The following FAM135B variants were observed in gnomAD, a reference collection of about 807,000 sequenced individuals.
FAM135B encodes protein FAM135B.
Under a neutral mutation model 127.7 loss-of-function variants are expected in FAM135B, and 43 were observed. The observed-to-expected ratio is 0.34, with a 90% CI of 0.26 to 0.43. FAM135B has a LOEUF of 0.43. Among genes scored for constraint, FAM135B ranks in the 20% least tolerant of loss-of-function variants. The pLI is 1.00. For missense variants in FAM135B, 1,558 were observed against 1,725.6 expected (o/e 0.90, Z 1.72); for synonymous variants, 670 against 665.1 (o/e 1.01, Z -0.11).
intron 14 of FAM135B, among the ~76,000 whole-genome samples, chr8:138,146,709 T>G (rs373938433): frequency 1.1e-3 from 162 of 151,762 alleles, no homozygotes; most frequent in Middle Eastern, 3.4e-3. Flanking sequence ...GAAAAAAAAA[T>G]GGATTTACTA....
At chr8:138,155,019 G>C (rs1818580800) in intron 12 of FAM135B, among the ~76,000 whole-genome samples, 1 of 152,148 alleles carries the variant, frequency 6.6e-6, no homozygotes, top group Non-Finnish European at 1.5e-5. Flanking sequence ...TGAAATGAAG[G>C]AAAAAATGTT....
intron 3 of FAM135B, among the ~76,000 whole-genome samples, chr8:138,296,798 C>A (rs1358322447): frequency 6.6e-6 from 1 of 152,146 alleles, no homozygotes; most frequent in Middle Eastern, 3.2e-3. Flanking sequence ...GTAACTATTT[C>A]TCTTGCTATT....
At chr8:138,305,497 C>T (rs548308498) in intron 3 of FAM135B, among the ~76,000 whole-genome samples, 4 of 68,616 alleles carry the variant, frequency 5.8e-5, no homozygotes, top group Middle Eastern at 0.014. Context: ...TTCACACAGA[C>T]ATGGACATAC....
At chr8:138,256,277 A>G (rs1250981942) in intron 5 of FAM135B, among the ~76,000 whole-genome samples, 1 of 152,216 alleles carries the variant, frequency 6.6e-6, no homozygotes, top group Non-Finnish European at 1.5e-5. Context: ...GAGTTGAAAC[A>G]TAATAGCAGA....
chr8:138,477,641 C>A (rs1814561273), intron 1 of FAM135B, among the ~76,000 whole-genome samples: 1 of 152,190 alleles, frequency 6.6e-6, no homozygotes, highest in South Asian at 2.1e-4. Flanking sequence ...TCCTCCTTTT[C>A]TCACTAAACA....
Position 138,250,826 on chromosome 8 carries a change from C to T in FAM135B, c.542+15G>A, listed in dbSNP as rs1821641257. On this transcript the variant is annotated intron_variant, in intron 6 of 19. Coordinates refer to ENST00000395297, the MANE Select transcript of FAM135B (RefSeq NM_015912.4). ...GGTGGCTCCCACATATCAGGGCTGCCTCTGAACTTCATACCTGATCAATGG... is the reference window on the plus strand; with the variant it reads ...GGTGGCTCCCACATATCAGGGCTGCTTCTGAACTTCATACCTGATCAATGG... 5 of 1,613,066 alleles carry T rather than the reference C, an allele frequency of 3.1e-6. No homozygotes were observed. In the Admixed American group the frequency reaches 8.3e-5, roughly 27 times the overall value.
chr8:138,483,671 C>T (rs561835880), intron 1 of FAM135B, among the ~76,000 whole-genome samples: 1 of 152,248 alleles, frequency 6.6e-6, no homozygotes, highest in South Asian at 2.1e-4. Context: ...ACCCTCTGTA[C>T]CCCTGGAAGC....
At chr8:138,342,009 G>A (rs978759065) in intron 2 of FAM135B, among the ~76,000 whole-genome samples, 1 of 152,204 alleles carries the variant, frequency 6.6e-6, no homozygotes, top group Admixed American at 6.5e-5. Context: ...CAAGCCAGCA[G>A]ATACGAAAAG....
chr8:138,339,116 G>T (rs560292153), intron 2 of FAM135B, among the ~76,000 whole-genome samples: 1 of 147,328 alleles, frequency 6.8e-6, no homozygotes, highest in African/African-American at 2.5e-5. Context: ...GTCATGGGGT[G>T]GGGGAGGGGG....
At chr8:138,142,043 CT>C (rs530529740) in intron 16 of FAM135B, among the ~76,000 whole-genome samples, 4 of 151,996 alleles carry the variant, frequency 2.6e-5, no homozygotes, top group East Asian at 3.9e-4. Flanking sequence ...TTCTTTTATT[CT>C]TTTTTTTAAA....
intron 9 of FAM135B, among the ~76,000 whole-genome samples, chr8:138,186,439 C>G (rs1021150492): frequency 3.3e-5 from 5 of 152,118 alleles, no homozygotes; most frequent in African/African-American, 1.2e-4. Flanking sequence ...CCTTCCCACC[C>G]CCACCACTGG....
intron 2 of FAM135B, among the ~76,000 whole-genome samples, chr8:138,335,587 G>A (rs763078201): frequency 6.6e-6 from 1 of 152,068 alleles, no homozygotes; most frequent in Non-Finnish European, 1.5e-5. Flanking sequence ...CCCAATACAG[G>A]AGCACCCAGA....
intron 9 of FAM135B, among the ~76,000 whole-genome samples, chr8:138,186,457 G>A (rs141179249): frequency 0.013 from 1,944 of 152,226 alleles, 42 homozygotes; most frequent in African/African-American, 0.043. Flanking sequence ...TGGCAGGAGT[G>A]GGGGAGACCA....
At chr8:138,385,444 T>C (rs1832138087) in intron 1 of FAM135B, among the ~76,000 whole-genome samples, 1 of 152,138 alleles carries the variant, frequency 6.6e-6, no homozygotes, top group Non-Finnish European at 1.5e-5. Flanking sequence ...CCGATTGAAC[T>C]AAAGGTAAAC....
intron 1 of FAM135B, among the ~76,000 whole-genome samples, chr8:138,434,708 T>G (rs551457557): frequency 2.7e-4 from 41 of 152,226 alleles, no homozygotes; most frequent in Non-Finnish European, 5.1e-4. Flanking sequence ...CTTAGGACAC[T>G]GCATTAACAG....
intron 1 of FAM135B, among the ~76,000 whole-genome samples, chr8:138,420,481 C>A (rs756214642): frequency 6.6e-6 from 1 of 151,878 alleles, no homozygotes; most frequent in Non-Finnish European, 1.5e-5. Context: ...GGAGTAGGGA[C>A]TCCTCTCTAA....
At chr8:138,189,519 G>A (rs773599123) in intron 9 of FAM135B, among the ~76,000 whole-genome samples, 49 of 152,210 alleles carry the variant, frequency 3.2e-4, no homozygotes, top group Admixed American at 4.6e-4. Context: ...TAAGCCATCC[G>A]CACATGGCAA....
chr8:138,353,073 A>G (rs892305098), intron 2 of FAM135B, among the ~76,000 whole-genome samples: 1 of 152,146 alleles, frequency 6.6e-6, no homozygotes, highest in Non-Finnish European at 1.5e-5. Context: ...CCCATATCCG[A>G]TCACATCACT....
intron 7 of FAM135B, among the ~76,000 whole-genome samples, chr8:138,234,101 A>C (rs1820097745): frequency 6.6e-6 from 1 of 152,230 alleles, no homozygotes. Context: ...ATTAATAAAA[A>C]GGATGGTGTA....
Sources: allele counts gnomAD v4.1 joint callset (sites outside exome capture counted in the v4.1 genomes callset), GRCh38; gene constraint gnomAD v4.1.1; transcripts MANE v1.5; gene names NCBI Gene and HGNC (gene_info 2026-07-23, HGNC 2026-07-21).